SLCO3A1: variants seen among roughly 807,000 people sequenced by gnomAD.
SLCO3A1 encodes the protein solute carrier organic anion transporter family member 3A1, also known as PGE1 transporter.
Under a neutral mutation model 63.1 loss-of-function variants are expected in SLCO3A1, and 27 were observed. That is an observed-to-expected ratio of 0.43 (90% CI 0.32 to 0.59). The LOEUF (loss-of-function observed/expected upper bound fraction) is 0.59. Ranked by LOEUF, SLCO3A1 falls within the 20% of genes least tolerant of loss-of-function variation. SLCO3A1 has a pLI of 0.09. For missense variants in SLCO3A1, 773 were observed against 945.8 expected, an observed-to-expected ratio of 0.82 and a Z score of 2.40; for synonymous variants, 473 against 409.9, an observed-to-expected ratio of 1.15 and a Z score of -1.86.
chr15:92,120,407 A>C, intron 4 of SLCO3A1, 58 bp from the exon 5 acceptor site: 3 of 1,554,470 alleles, frequency 1.9e-6, no homozygotes, highest in Non-Finnish European at 2.6e-6. Flanking sequence ...GGGAGCTATA[A>C]GATGGGAGCA....
At chr15:92,031,506 T>G (rs565550128) in intron 2 of SLCO3A1, among the ~76,000 whole-genome samples, 22 of 152,294 alleles carry the variant, frequency 1.4e-4, no homozygotes, top group East Asian at 3.9e-4. Context: ...GCAAAGGTTT[T>G]GGGAGCATCA....
chr15:92,132,028 T>C (rs2238358), intron 7 of SLCO3A1, among the ~76,000 whole-genome samples: 84,374 of 144,304 alleles, frequency 0.58, 29,717 homozygotes, highest in African/African-American at 0.78. Context: ...GGATAAAGGC[T>C]CCAGGCTTTC....
chr15:92,072,491 C>T (rs2047228542), intron 2 of SLCO3A1, among the ~76,000 whole-genome samples: 1 of 152,104 alleles, frequency 6.6e-6, no homozygotes, highest in Non-Finnish European at 1.5e-5. Context: ...TTTCTTTAAA[C>T]AAAAGATTGG....
chr15:91,880,149 CCA>C (rs1897526273), intron 1 of SLCO3A1, among the ~76,000 whole-genome samples: 1 of 149,982 alleles, frequency 6.7e-6, no homozygotes, highest in African/African-American at 2.5e-5. Context: ...ATCCATCCAT[CCA>C]TCCATCCATC....
At chr15:91,910,928 T>C (rs1321243634) in intron 1 of SLCO3A1, among the ~76,000 whole-genome samples, 1 of 152,204 alleles carries the variant, frequency 6.6e-6, no homozygotes. Context: ...GACACACCTC[T>C]GGGAGAGCCC....
chr15:92,011,423 T>A (rs973650875), intron 2 of SLCO3A1, among the ~76,000 whole-genome samples: 19 of 152,364 alleles, frequency 1.2e-4, no homozygotes, highest in African/African-American at 4.3e-4. Context: ...TACTGTCACA[T>A]GTATGGAAAC....
At chr15:92,161,775 TGCCGGC>T in intron 9 of SLCO3A1, 2 of 143,800 alleles carry the variant, frequency 1.4e-5, no homozygotes, top group African/African-American at 5.3e-5. Flanking sequence ...ACACACAGTA[TGCCGGC>T]GCTTTGCAGT....
chr15:92,001,468 C>T (rs981940957), intron 2 of SLCO3A1, among the ~76,000 whole-genome samples: 2 of 152,182 alleles, frequency 1.3e-5, no homozygotes, highest in African/African-American at 4.8e-5. Flanking sequence ...TTGACAGTGC[C>T]TCCTGCCCCA....
At chr15:91,869,348 C>T (rs1233603389) in intron 1 of SLCO3A1, among the ~76,000 whole-genome samples, 1 of 151,910 alleles carries the variant, frequency 6.6e-6, no homozygotes, top group African/African-American at 2.4e-5. Context: ...ACAGCCTGGC[C>T]AACATGGTGA....
At chr15:92,162,096 A>T (rs2048445863) in intron 9 of SLCO3A1, 1 of 145,722 alleles carries the variant, frequency 6.9e-6, no homozygotes, top group African/African-American at 2.6e-5. Context: ...CATTCACTTT[A>T]CATGGTAAAG....
rs1268024973 is a variant in SLCO3A1, at chr15:92,120,478, C to T, written c.1023C>T (p.Val341=). The change falls in exon 5 of 10, where the codon GTC becomes GTT. Residue 341 remains valine (V), a synonymous_variant. Transcript: ENST00000318445. ...CFQQLRVIPK[V]TKHLLSNPVF... is the part of the protein sequence containing the mutation. ...GTCTCCCTGCAGTGATCCCGAAGGTCACCAAGCACCTGCTCTCAAACCCTG... is the reference window on the plus strand; with the variant it reads ...GTCTCCCTGCAGTGATCCCGAAGGTTACCAAGCACCTGCTCTCAAACCCTG... 12 of 1,614,112 alleles carry T rather than the reference C, an allele frequency of 7.4e-6. No homozygotes were observed. The highest frequency in any genetic ancestry group is 1.0e-5 in the Non-Finnish European group (12 of 1,179,980).
chr15:92,094,599 A>G (rs1235048687), intron 2 of SLCO3A1, among the ~76,000 whole-genome samples: 1 of 152,228 alleles, frequency 6.6e-6, no homozygotes, highest in African/African-American at 2.4e-5. Flanking sequence ...ATAGATGCGG[A>G]TGTATTTTAA....
At chr15:91,881,142 G>C (rs1016517208) in intron 1 of SLCO3A1, among the ~76,000 whole-genome samples, 6 of 152,186 alleles carry the variant, frequency 3.9e-5, no homozygotes, top group Non-Finnish European at 8.8e-5. Context: ...GATCAAAGGA[G>C]ATGTAATACA....
intron 2 of SLCO3A1, among the ~76,000 whole-genome samples, chr15:91,917,027 G>A (rs899629767): frequency 1.3e-5 from 2 of 152,208 alleles, no homozygotes; most frequent in African/African-American, 4.8e-5. Flanking sequence ...TTCACGGTCA[G>A]AGTTTCTGAT....
intron 1 of SLCO3A1, among the ~76,000 whole-genome samples, chr15:91,870,872 C>CT (rs59791410): frequency 8.7e-5 from 13 of 150,280 alleles, no homozygotes; most frequent in South Asian, 2.1e-4. Flanking sequence ...GATCTACAAT[C>CT]TTTTTTTTTT....
At chr15:92,116,609 G>A (rs550663834) in intron 4 of SLCO3A1, among the ~76,000 whole-genome samples, 4 of 152,342 alleles carry the variant, frequency 2.6e-5, no homozygotes, top group Non-Finnish European at 4.4e-5. Context: ...TGCCTGGGCC[G>A]CCCCATTAGC....
At chr15:92,051,596 A>G (rs1055787297) in intron 2 of SLCO3A1, among the ~76,000 whole-genome samples, 2 of 152,092 alleles carry the variant, frequency 1.3e-5, no homozygotes, top group Non-Finnish European at 2.9e-5. Context: ...TAAGACCAGG[A>G]GCTTCAGTTT....
At chr15:92,006,880 A>G (rs778292093) in intron 2 of SLCO3A1, among the ~76,000 whole-genome samples, 1 of 152,228 alleles carries the variant, frequency 6.6e-6, no homozygotes, top group Non-Finnish European at 1.5e-5. Context: ...TCCTTTTAGC[A>G]ATGTCTCCCT....
At chr15:92,150,045 C>T (rs2048284185) in intron 8 of SLCO3A1, among the ~76,000 whole-genome samples, 1 of 152,128 alleles carries the variant, frequency 6.6e-6, no homozygotes, top group Non-Finnish European at 1.5e-5. Flanking sequence ...GTGTCTAACT[C>T]AACCAGCCAG....
Sources: allele counts gnomAD v4.1 joint callset (sites outside exome capture counted in the v4.1 genomes callset), GRCh38; gene constraint gnomAD v4.1.1; transcripts MANE v1.5; gene names NCBI Gene and HGNC (gene_info 2026-07-23, HGNC 2026-07-21).